Variants in NIBAN2 observed in about 807,000 individuals in gnomAD.
NIBAN2 encodes niban apoptosis regulator 2.
Under a neutral mutation model 81.8 loss-of-function variants are expected in NIBAN2, and 36 were observed. The ratio of observed to expected loss-of-function variants is 0.44; its 90% confidence interval spans 0.34 to 0.58. NIBAN2 has a LOEUF of 0.58. NIBAN2 is among the 20% of genes least tolerant of loss of function. The pLI, the probability that NIBAN2 is intolerant of heterozygous loss-of-function variation, is 0.02. For missense variants in NIBAN2, 897 were observed against 1,014.1 expected, an observed-to-expected ratio of 0.88 and a Z score of 1.57; for synonymous variants, 445 against 441.6, an observed-to-expected ratio of 1.01 and a Z score of -0.10.
chr9:127,527,401 C>G (rs1390123411), intron 2 of NIBAN2, 79 bp from the exon 3 acceptor site: 1 of 1,415,262 alleles, frequency 7.1e-7, no homozygotes, highest in Non-Finnish European at 9.9e-7. Context: ...GCCCAGCCAG[C>G]AGAGCCTGTG....
At position 127,525,043 on chromosome 9, in the gene NIBAN2, T is replaced by G; in HGVS notation, c.421+15A>C. 6.3e-7 allele frequency: 1 copy of G among 1,594,344 alleles called. No homozygotes were observed. The highest frequency in any genetic ancestry group is 8.6e-7 in the Non-Finnish European group (1 of 1,162,126). On this transcript the variant is annotated intron_variant, in intron 4 of 13. Coordinates refer to ENST00000373312, the MANE Select transcript of NIBAN2 (RefSeq NM_022833.4). ...CTGTGCAGGGCATTGTGGCCTGGGA[T>G]GGGTGCTCCTTTACCTGGTAAGGAG...
chr9:127,568,889 G>A lies in NIBAN2; in HGVS notation c.-15C>T, dbSNP rs1333630380. ...ACGTCCCCCATGGCCAGGAGGTGTC[G>A]CGGCCCGATCCGGCCGACGCCGCCG... On this transcript the variant is annotated 5_prime_UTR_variant, in exon 1 of 14. Transcript: ENST00000373312. The A allele has an allele frequency of 1.5e-6, 2 of 1,295,840 alleles. No individual in the cohort carries two copies. Among genetic ancestry groups the A allele is most frequent in the Non-Finnish European group, 9.8e-7 (1 of 1,020,878 alleles). The allele number at this position is 1,295,840 out of a possible 1,614,324, so 80.3% of individuals were successfully genotyped here. A position where few individuals can be genotyped will look rare whatever the true frequency, so the allele number is the denominator to read the frequency against.
rs553380510 is a variant in NIBAN2, at chr9:127,577,772, G to A, written c.16+1150C>T. Among the ~76,000 whole-genome samples the A allele has an allele frequency of 2.0e-5, 3 of 152,190 alleles. No individual in the cohort carries two copies. The South Asian group carries it at 6.2e-4, about 32-fold the overall frequency. On this transcript the variant is annotated intron_variant, in intron 1 of 13. Transcript: ENST00000373314. The stretch of plus-strand genomic sequence containing the variant: ...GCTCTGTAACCCAGGCTGGAGTGCA[G>A]TGAGTTGATCATGGCTTGCTGCAGC...
In NIBAN2 at chr9:127,507,171, G is replaced by T; in HGVS notation, c.1915C>A (p.Pro639Thr). Residue 639 changes from proline to threonine, a missense_variant, in exon 14 of 14, where the codon CCT becomes ACT. Physicochemically the swap from Pro to Thr is conservative, Grantham distance 38. Coordinates refer to ENST00000373312, the MANE Select transcript of NIBAN2 (RefSeq NM_022833.4). This position sits in a 1 kb window ranked among gnomAD's most constrained non-coding sequence, Gnocchi z 6.8. ...EEVGLPFEASPESPPPASPDG... is the reference protein window; with the variant it reads ...EEVGLPFEASTESPPPASPDG... ...GGGGACGCAGGTGGTGGTGACTCAG[G>T]GCTAGCCTCAAAGGGCAGCCCCACC... 1 of 1,612,208 alleles carries T rather than the reference G, an allele frequency of 6.2e-7. No individual in the cohort carries two copies. Among genetic ancestry groups the T allele is most frequent in the South Asian group, 1.1e-5 (1 of 90,868 alleles).
In NIBAN2 at chr9:127,545,418, G is replaced by A. The variant is rs557779254; in HGVS notation, c.56-13640C>T. 6.6e-6 allele frequency among the ~76,000 whole-genome samples: 1 copy of A among 152,278 alleles called. No individual in the cohort carries two copies. Among genetic ancestry groups the A allele is most frequent in the South Asian group, 2.1e-4 (1 of 4,824 alleles). On this transcript the variant is annotated intron_variant, in intron 1 of 13. Coordinates refer to ENST00000373312, the MANE Select transcript of NIBAN2 (RefSeq NM_022833.4). This position sits in a 1 kb window ranked among gnomAD's most constrained non-coding sequence, Gnocchi z 4.7. ...AGCACCCAGCTCCCGCCAGGCCCAG[G>A]GGGGTGCTTGATAAACAAGTGCCGA...
intron 1 of NIBAN2, among the ~76,000 whole-genome samples, chr9:127,543,015 G>C (rs1204154774): frequency 1.3e-5 from 2 of 152,204 alleles, no homozygotes; most frequent in Non-Finnish European, 2.9e-5. Flanking sequence ...GTGAGCCACT[G>C]TGCCTGGCCC....
At position 127,565,952 on chromosome 9, in the gene NIBAN2, A is replaced by T. The variant is rs552241360; in HGVS notation, c.55+2868T>A. ...CTGTCTCTCTCTCTCTCTCTCACACACACACACACACACACACACACACAC... is the reference window on the plus strand; with the variant it reads ...CTGTCTCTCTCTCTCTCTCTCACACTCACACACACACACACACACACACAC... On this transcript the variant is annotated intron_variant, in intron 1 of 13. Transcript: ENST00000373312. 6.3e-3 allele frequency among the ~76,000 whole-genome samples: 848 copies of T among 135,118 alleles called. 3 individuals are homozygous for T. Among genetic ancestry groups the T allele is most frequent in the African/African-American group, 0.013 (453 of 35,264 alleles). The allele number at this position is 135,118 out of a possible 152,430, so 88.6% of individuals were successfully genotyped here.
intron 1 of NIBAN2, among the ~76,000 whole-genome samples, chr9:127,576,759 T>TTG (rs1838013583): frequency 6.7e-6 from 1 of 149,616 alleles, no homozygotes; most frequent in Admixed American, 6.6e-5. Context: ...TTTTTTTTTT[T>TTG]CCCAAGACAG....
chr9:127,509,297 C>G (rs1229983402), intron 9 of NIBAN2, among the ~76,000 whole-genome samples, 166 bp from the exon 10 acceptor site: 1 of 152,176 alleles, frequency 6.6e-6, no homozygotes, highest in Non-Finnish European at 1.5e-5. Flanking sequence ...CAGGAGGGCC[C>G]AGGACAGAAG....
intron 1 of NIBAN2, among the ~76,000 whole-genome samples, chr9:127,557,694 A>G (rs1193602245): frequency 6.6e-6 from 1 of 152,206 alleles, no homozygotes; most frequent in African/African-American, 2.4e-5. Context: ...GCCTCCCAGG[A>G]CCAGGCCGGC....
chr9:127,568,910 C>G lies in NIBAN2; in HGVS notation c.-36G>C. ...TGTCGCGGCCCGATCCGGCCGACGC[C>G]GCCGCTGTTGCCCGCGCTGCTCAGG... On this transcript the variant is annotated 5_prime_UTR_variant, in exon 1 of 14. Transcript: ENST00000373312. The G allele has an allele frequency of 1.6e-6, 2 of 1,253,696 alleles. No homozygotes were observed. The highest frequency in any genetic ancestry group is 2.0e-6 in the Non-Finnish European group (2 of 999,412). 77.7% of individuals were successfully genotyped at this position (1,253,696 alleles called of 1,614,324 possible).
At chr9:127,574,082 G>A (rs1837980852) in intron 1 of NIBAN2, among the ~76,000 whole-genome samples, 1 of 152,208 alleles carries the variant, frequency 6.6e-6, no homozygotes, top group African/African-American at 2.4e-5. Context: ...GCAAGGCAGA[G>A]GGATATCTGT....
Position 127,523,694 on chromosome 9 carries a change from G to T in NIBAN2, c.574C>A (p.Arg192=). 1 of 1,611,812 alleles carries T rather than the reference G, an allele frequency of 6.2e-7. No individual in the cohort carries two copies. ...KWQAVLQDCI[R]HCNNGIPEDS... ...GGCCACTCACCATTGTTGCAGTGCC[G>T]GATGCAGTCCTGCAGCACAGCCTGC... The change falls in exon 5 of 14, where the codon CGG becomes AGG. Residue 192 remains arginine, a synonymous_variant. Transcript: ENST00000373312.
Position 127,563,765 on chromosome 9 carries a change from C to G in NIBAN2, c.55+5055G>C, listed in dbSNP as rs924130707. Among the ~76,000 whole-genome samples the G allele has an allele frequency of 1.7e-4, 26 of 152,170 alleles. No individual in the cohort carries two copies. Among genetic ancestry groups the G allele is most frequent in the African/African-American group, 6.3e-4 (26 of 41,446 alleles). ...TCTTGACCTCAGGTGATCTGCCTGC[C>G]TGTCTCCCAAAGCGCTGGAATTACA... On this transcript the variant is annotated intron_variant, in intron 1 of 13. Coordinates refer to ENST00000373312, the MANE Select transcript of NIBAN2 (RefSeq NM_022833.4). This position sits in a 1 kb window ranked among gnomAD's most constrained non-coding sequence, Gnocchi z 4.1.
At position 127,505,483 on chromosome 9, in the gene NIBAN2, C is replaced by T. The variant is rs1438329704; in HGVS notation, c.*1362G>A. The T allele has an allele frequency of 6.5e-6, 1 of 152,708 alleles. No homozygotes were observed. The highest frequency in any genetic ancestry group is 6.5e-5 in the Admixed American group (1 of 15,282). 9.5% of individuals were successfully genotyped at this position (152,708 alleles called of 1,614,324 possible). The stretch of plus-strand genomic sequence containing the variant: ...TCGGGACAAGAGGGAAGAGATGCGC[C>T]AGAGACCAGGGCTGCGGCAGCTGGG... On this transcript the variant is annotated 3_prime_UTR_variant, in exon 14 of 14. Coordinates refer to ENST00000373312, the MANE Select transcript of NIBAN2 (RefSeq NM_022833.4).
chr9:127,568,910 C>A lies in NIBAN2; in HGVS notation c.-36G>T. ...TGTCGCGGCCCGATCCGGCCGACGC[C>A]GCCGCTGTTGCCCGCGCTGCTCAGG... On this transcript the variant is annotated 5_prime_UTR_variant, in exon 1 of 14. Coordinates refer to ENST00000373312, the MANE Select transcript of NIBAN2 (RefSeq NM_022833.4). The A allele has an allele frequency of 8.0e-7, 1 of 1,253,696 alleles. No individual in the cohort carries two copies. The highest frequency in any genetic ancestry group is 3.5e-5 in the East Asian group (1 of 28,584). 77.7% of individuals were successfully genotyped at this position (1,253,696 alleles called of 1,614,324 possible).
At chr9:127,568,215 CTAGCAGGGGCAGCCTGCTGT>C (rs1478301336) in intron 1 of NIBAN2, among the ~76,000 whole-genome samples, 8 of 152,186 alleles carry the variant, frequency 5.3e-5, no homozygotes, top group African/African-American at 1.7e-4. Context: ...GCCCCTGCTG[CTAGCAGGGGCAGCCTGCTGT>C]CTGCGCCAAA....
chr9:127,575,662 T>A (rs964910429), intron 1 of NIBAN2, among the ~76,000 whole-genome samples: 2 of 151,470 alleles, frequency 1.3e-5, no homozygotes, highest in African/African-American at 4.9e-5. Flanking sequence ...CCTGAGTAGC[T>A]GGGATTACAG....
intron 1 of NIBAN2, among the ~76,000 whole-genome samples, chr9:127,565,172 C>T (rs946751616): frequency 6.6e-6 from 1 of 151,994 alleles, no homozygotes; most frequent in Non-Finnish European, 1.5e-5. Context: ...ATGTTGCCCA[C>T]GCTGGTCTTG....
Sources: allele counts gnomAD v4.1 joint callset (sites outside exome capture counted in the v4.1 genomes callset), GRCh38; gene constraint gnomAD v4.1.1; non-coding constraint Gnocchi (gnomAD v3.1); transcripts MANE v1.5; gene names NCBI Gene and HGNC (gene_info 2026-07-23, HGNC 2026-07-21).